Variants in ZNF236 observed in about 807,000 individuals in gnomAD.
ZNF236 encodes zinc finger protein 236, also known as regulated by glucose.
In ZNF236, 50 loss-of-function variants were observed where a neutral mutation model predicts 191.2. That is an observed-to-expected ratio of 0.26 (90% confidence interval 0.21 to 0.33). The LOEUF is 0.33. Ranked by LOEUF, ZNF236 falls within the 10% of genes least tolerant of loss-of-function variation. ZNF236 has a pLI of 1.00. For synonymous variants in ZNF236, 907 were observed against 928.8 expected (o/e 0.98, Z 0.43); for missense variants, 1,754 against 2,374.5 (o/e 0.74, Z 5.43).
chr18:76,936,095 T>C (rs1397322893), intron 25 of ZNF236: 2 of 456,852 alleles, frequency 4.4e-6, no homozygotes, highest in South Asian at 1.5e-5. Context: ...GGCCCCTGAC[T>C]CCTAGGAGAG....
intron 30 of ZNF236, among the ~76,000 whole-genome samples, chr18:76,965,724 C>A (rs1206642151): frequency 6.6e-6 from 1 of 152,234 alleles, no homozygotes; most frequent in Non-Finnish European, 1.5e-5. Context: ...TGCACAGAGT[C>A]CTGTGATGTG....
chr18:76,938,128 G>T (rs1464972885), intron 26 of ZNF236, among the ~76,000 whole-genome samples: 1 of 152,182 alleles, frequency 6.6e-6, no homozygotes, highest in East Asian at 1.9e-4. Flanking sequence ...GGTGGCTCCT[G>T]CCTGTAATCC....
At chr18:76,932,900 G>T (rs1402405158) in intron 25 of ZNF236, among the ~76,000 whole-genome samples, 3 of 152,204 alleles carry the variant, frequency 2.0e-5, no homozygotes, top group African/African-American at 7.2e-5. Context: ...CCAGGGCTCT[G>T]CTCTAGCTGC....
chr18:76,944,609 C>T (rs955836481), intron 26 of ZNF236, among the ~76,000 whole-genome samples: 3 of 152,012 alleles, frequency 2.0e-5, no homozygotes, highest in Non-Finnish European at 2.9e-5. Flanking sequence ...GGTGAAACCC[C>T]GTCTCTCCTA....
chr18:76,833,855 T>G (rs1322713266), intron 1 of ZNF236, among the ~76,000 whole-genome samples: 2 of 152,150 alleles, frequency 1.3e-5, no homozygotes, highest in Non-Finnish European at 2.9e-5. Flanking sequence ...TTTTTAATTT[T>G]TAAAATAATT....
chr18:76,881,965 C>T (rs1042575060), intron 9 of ZNF236, among the ~76,000 whole-genome samples: 1 of 152,200 alleles, frequency 6.6e-6, no homozygotes, highest in African/African-American at 2.4e-5. Flanking sequence ...CCCTGCAGCA[C>T]AGCTCCCTCC....
At chr18:76,856,605 A>G (rs1976047905) in intron 3 of ZNF236, among the ~76,000 whole-genome samples, 1 of 152,166 alleles carries the variant, frequency 6.6e-6, no homozygotes, top group African/African-American at 2.4e-5. Context: ...GCATCTTTCC[A>G]TGTTTATTAG....
chr18:76,878,969 G>T (rs998172328), intron 7 of ZNF236, among the ~76,000 whole-genome samples: 2 of 152,078 alleles, frequency 1.3e-5, no homozygotes, highest in African/African-American at 4.8e-5. Flanking sequence ...AGTGTGGGAT[G>T]GTTCCTCAAT....
chr18:76,879,854 C>T (rs939358552), intron 7 of ZNF236, among the ~76,000 whole-genome samples: 1 of 152,126 alleles, frequency 6.6e-6, no homozygotes, highest in Admixed American at 6.5e-5. Context: ...TTCACGTGCT[C>T]AATCTGCCAT....
intron 1 of ZNF236, chr18:76,834,493 G>T: frequency 2.3e-6 from 1 of 436,216 alleles, no homozygotes; most frequent in Non-Finnish European, 4.5e-6. Flanking sequence ...TACTTGGCGA[G>T]ATTTGGCTTT....
intron 14 of ZNF236, among the ~76,000 whole-genome samples, chr18:76,909,272 G>T (rs946909739): frequency 7.1e-6 from 1 of 140,834 alleles, no homozygotes; most frequent in East Asian, 2.1e-4. Flanking sequence ...CCGAGATGGC[G>T]CCATTGCACT....
chr18:76,848,271 G>C lies in ZNF236; in HGVS notation c.56-1255G>C, dbSNP rs565932033. On this transcript the variant is annotated intron_variant, in intron 1 of 30. Coordinates refer to ENST00000320610, the MANE Select transcript of ZNF236 (RefSeq NM_001306089.2). ...AACAAGGGGCTTTCTTGAGCTACTT[G>C]GTTCTTCAGCTTACCCTGTACTCTA... Among the ~76,000 whole-genome samples the C allele has an allele frequency of 7.6e-4, 115 of 152,258 alleles. 1 individual carries two copies. The highest frequency in any genetic ancestry group is 2.6e-3 in the African/African-American group (108 of 41,554).
At position 76,955,965 on chromosome 18, in the gene ZNF236, C is replaced by T; in HGVS notation, c.4915-20C>T. On this transcript the variant is annotated intron_variant, in intron 27 of 30. Coordinates refer to ENST00000320610, the MANE Select transcript of ZNF236 (RefSeq NM_001306089.2). ...ATCAAGCCAAGTGAGTGGAAAGTCA[C>T]AATTTCTGGCTCTTTCCAGGTAGCT... 1 of 1,600,084 alleles carries T rather than the reference C, an allele frequency of 6.2e-7. No homozygotes were observed. The highest frequency in any genetic ancestry group is 8.5e-7 in the Non-Finnish European group (1 of 1,174,588).
intron 25 of ZNF236, among the ~76,000 whole-genome samples, chr18:76,934,565 A>G (rs756926489): frequency 2.0e-5 from 3 of 152,194 alleles, no homozygotes; most frequent in Non-Finnish European, 4.4e-5. Context: ...TTTGTTTTCT[A>G]TTTATTTGTA....
intron 25 of ZNF236, 69 bp from the exon 26 acceptor site, chr18:76,937,087 C>T: frequency 7.0e-7 from 1 of 1,429,626 alleles, no homozygotes; most frequent in East Asian, 2.3e-5. Context: ...GAGCATCGCT[C>T]TCCCTATGCC....
chr18:76,961,238 T>C (rs761315315), intron 30 of ZNF236, among the ~76,000 whole-genome samples: 1 of 152,138 alleles, frequency 6.6e-6, no homozygotes, highest in Non-Finnish European at 1.5e-5. Context: ...CTCCCACTTA[T>C]GAGTGAGAAC....
intron 9 of ZNF236, chr18:76,884,848 A>AT (rs766149159): frequency 2.6e-5 from 4 of 152,100 alleles, no homozygotes; most frequent in Non-Finnish European, 5.9e-5. Flanking sequence ...GATAAATTTG[A>AT]TTTTTATAAT....
intron 28 of ZNF236, among the ~76,000 whole-genome samples, 162 bp from the exon 29 acceptor site, chr18:76,959,525 T>C (rs1968609440): frequency 6.6e-6 from 1 of 152,180 alleles, no homozygotes; most frequent in Non-Finnish European, 1.5e-5. Flanking sequence ...CACTCTGTTG[T>C]CACTACCGAT....
At chr18:76,905,097 A>C in intron 12 of ZNF236, 58 bp from the exon 13 acceptor site, 1 of 1,508,450 alleles carries the variant, frequency 6.6e-7, no homozygotes, top group Non-Finnish European at 8.9e-7. Flanking sequence ...CATTCTAGTC[A>C]CAAAGCATTA....
Sources: gnomAD v4.1 joint callset for allele counts (sites outside exome capture counted in the v4.1 genomes callset) on GRCh38, gnomAD v4.1.1 for gene constraint, MANE v1.5 for transcripts, NCBI Gene and HGNC (gene_info 2026-07-23, HGNC 2026-07-21) for gene names.